The following MCTP2 variants were observed in gnomAD, a reference collection of about 807,000 sequenced individuals.
MCTP2 encodes the protein multiple C2 and transmembrane domain-containing protein 2.
A neutral mutation model predicts 111.6 loss-of-function variants in MCTP2; 132 were observed. The observed-to-expected ratio is 1.18, with a 90% CI of 1.03 to 1.37. The LOEUF (loss-of-function observed/expected upper bound fraction) is 1.37. Ranked by LOEUF, MCTP2 falls within the 40% of genes most tolerant of loss-of-function variation. The pLI is 0.00. For synonymous variants in MCTP2, 395 were observed against 387.7 expected (o/e 1.02, Z -0.22); for missense variants, 1,183 against 1,067.9 (o/e 1.11, Z -1.50).
At position 94,356,223 on chromosome 15, in the gene MCTP2, A is replaced by C; in HGVS notation, c.1092A>C (p.Glu364Asp). ...WNGIISITLL[E>D]GKNVSGGSMT... ...GGATTATAAGTATAACTTTGTTGGA[A>C]GGGAAGAATGTCTCAGGAGGAAGCA... is the stretch of plus-strand genomic sequence containing the variant. Residue 364 changes from glutamate to aspartate, a missense_variant, in exon 9 of 23, where the codon GAA becomes GAC. Physicochemically the swap from Glu to Asp is conservative, Grantham distance 45. Transcript: ENST00000357742. The C allele has an allele frequency of 3.1e-6, 5 of 1,613,696 alleles. No homozygotes were observed. The highest frequency in any genetic ancestry group is 4.2e-6 in the Non-Finnish European group (5 of 1,179,752).
intron 19 of MCTP2, among the ~76,000 whole-genome samples, chr15:94,449,042 A>T (rs293580): frequency 0.072 from 10,915 of 152,260 alleles, 523 homozygotes; most frequent in East Asian, 0.15. Context: ...CCATCTCAAA[A>T]TAAATAAATA....
chr15:94,303,101 T>TTA (rs376412572), intron 2 of MCTP2, among the ~76,000 whole-genome samples: 40 of 22,326 alleles, frequency 1.8e-3, no homozygotes, highest in African/African-American at 4.4e-3. Flanking sequence ...TTTATATAGT[T>TTA]TATATATATA....
At chr15:94,468,260 TCTG>T (rs1219759536) in intron 20 of MCTP2, among the ~76,000 whole-genome samples, 6 of 150,844 alleles carry the variant, frequency 4.0e-5, no homozygotes, top group African/African-American at 1.4e-4. Context: ...AGCTAACTAT[TCTG>T]CAAGTTTTTA....
At position 94,339,204 on chromosome 15, in the gene MCTP2, A is replaced by T. The variant is rs953402794; in HGVS notation, c.638-86A>T. 4 of 935,210 alleles carry T rather than the reference A, an allele frequency of 4.3e-6. No homozygotes were observed. In the African/African-American group the frequency reaches 6.7e-5, roughly 16 times the overall value. The allele number at this position is 935,210 out of a possible 1,614,324, so 57.9% of individuals were successfully genotyped here. On this transcript the variant is annotated intron_variant, in intron 4 of 22. Coordinates refer to ENST00000357742, the MANE Select transcript of MCTP2 (RefSeq NM_001385001.1). ...TGTGCAGGGAGACATTAGCCTGGGG[A>T]GTGGGGAAAGGATCTTTATTTAATG... is the stretch of plus-strand genomic sequence containing the variant.
chr15:94,439,285 C>T (rs1244910922), intron 17 of MCTP2, among the ~76,000 whole-genome samples: 1 of 150,612 alleles, frequency 6.6e-6, no homozygotes, highest in Non-Finnish European at 1.5e-5. Flanking sequence ...ATTTAAGATG[C>T]AGTAATTTGC....
intron 14 of MCTP2, among the ~76,000 whole-genome samples, chr15:94,390,078 A>AAG: frequency 2.1e-5 from 1 of 47,294 alleles, no homozygotes; most frequent in Non-Finnish European, 5.4e-5. Flanking sequence ...ATATATATAT[A>AAG]TATATATATA....
intron 17 of MCTP2, among the ~76,000 whole-genome samples, chr15:94,427,627 G>T (rs541500314): frequency 1.3e-5 from 2 of 152,264 alleles, no homozygotes; most frequent in East Asian, 3.9e-4. Flanking sequence ...CCCCCGACAC[G>T]TGGGGATTAC....
rs2081471837 is a variant in MCTP2 at position 94,399,858 on chromosome 15, G to C, written c.1891-63G>C. On this transcript the variant is annotated intron_variant, in intron 15 of 22. Coordinates refer to ENST00000357742, the MANE Select transcript of MCTP2 (RefSeq NM_001385001.1). ...TCTGCACGATTTTCCCAGTCATTAA[G>C]AAAACTAGGTGGATGAAGTCCCTAT... The C allele has an allele frequency of 6.2e-6, 9 of 1,448,376 alleles. No homozygotes were observed. In the Middle Eastern group the frequency reaches 5.2e-4, roughly 84 times the overall value. 89.7% of individuals were successfully genotyped at this position (1,448,376 alleles called of 1,614,324 possible). A position where few individuals can be genotyped will look rare whatever the true frequency, so the allele number is the denominator to read the frequency against.
chr15:94,307,981 A>G (rs2075964200), intron 2 of MCTP2, among the ~76,000 whole-genome samples: 1 of 152,094 alleles, frequency 6.6e-6, no homozygotes. Context: ...AATAATAATA[A>G]ATAGAATAGC....
intron 17 of MCTP2, among the ~76,000 whole-genome samples, chr15:94,408,856 T>C (rs935521388): frequency 3.7e-4 from 57 of 152,214 alleles, no homozygotes; most frequent in African/African-American, 1.3e-3. Flanking sequence ...TCACATAGCC[T>C]GGTAGATGTA....
intron 8 of MCTP2, among the ~76,000 whole-genome samples, chr15:94,353,891 A>C (rs1415184899): frequency 2.0e-5 from 3 of 152,152 alleles, no homozygotes; most frequent in African/African-American, 7.2e-5. Flanking sequence ...ATATGTGCAT[A>C]TATGCAGATA....
chr15:94,474,073 A>G (rs1459941895), intron 21 of MCTP2, among the ~76,000 whole-genome samples: 1 of 152,004 alleles, frequency 6.6e-6, no homozygotes, highest in East Asian at 1.9e-4. Flanking sequence ...ATTCTTCAGT[A>G]TTTTATCCCA....
chr15:94,416,008 A>G (rs1358914934), intron 17 of MCTP2, among the ~76,000 whole-genome samples: 2 of 152,106 alleles, frequency 1.3e-5, no homozygotes, highest in Non-Finnish European at 2.9e-5. Context: ...GAACTCCTTA[A>G]ATTCATAGTC....
chr15:94,322,701 G>T (rs1054758290), intron 4 of MCTP2, among the ~76,000 whole-genome samples: 3 of 152,218 alleles, frequency 2.0e-5, no homozygotes, highest in Non-Finnish European at 4.4e-5. Context: ...GTCATCAAGA[G>T]TTGAGGCTAA....
In MCTP2 at chr15:94,482,618, G is replaced by T. The variant is rs561984732; in HGVS notation, c.*3584G>T. ...TGTCAGCAAGGTAATGGAATATATA[G>T]TTCTCAGAGAAGTAACACACTGTAC... On this transcript the variant is annotated 3_prime_UTR_variant, in exon 23 of 23. Coordinates refer to ENST00000357742, the MANE Select transcript of MCTP2 (RefSeq NM_001385001.1). 2.1e-4 allele frequency: 32 copies of T among 152,294 alleles called. No homozygotes were observed. Among genetic ancestry groups the T allele is most frequent in the African/African-American group, 7.2e-4 (30 of 41,556 alleles). 9.4% of individuals were successfully genotyped at this position (152,294 alleles called of 1,614,324 possible).
intron 1 of MCTP2, among the ~76,000 whole-genome samples, chr15:94,257,509 T>C (rs987488144): frequency 6.6e-6 from 1 of 150,942 alleles, no homozygotes; most frequent in East Asian, 1.9e-4. Context: ...CAAAGAAAAA[T>C]TGTTTGGGCT....
chr15:94,270,231 C>T lies in MCTP2; in HGVS notation c.-65-27970C>T, dbSNP rs76905798. On this transcript the variant is annotated intron_variant, in intron 1 of 22. Transcript: ENST00000357742. The stretch of plus-strand genomic sequence containing the variant: ...TTTCCACCCCAAGTGCCAGAAGTAC[C>T]CCCTGTTGAGCAACACTGAGATAGA... 4.6e-3 allele frequency among the ~76,000 whole-genome samples: 697 copies of T among 152,182 alleles called. 4 individuals are homozygous for T. The highest frequency in any genetic ancestry group is 0.016 in the African/African-American group (653 of 41,502).
chr15:94,420,247 C>G (rs2082562255), intron 17 of MCTP2, among the ~76,000 whole-genome samples: 1 of 152,120 alleles, frequency 6.6e-6, no homozygotes, highest in African/African-American at 2.4e-5. Context: ...GCTCATCGAA[C>G]ATGTACCTAG....
At chr15:94,421,768 A>G (rs1433401417) in intron 17 of MCTP2, among the ~76,000 whole-genome samples, 1 of 152,156 alleles carries the variant, frequency 6.6e-6, no homozygotes, top group Non-Finnish European at 1.5e-5. Context: ...TACCTATTTT[A>G]AGGTCAGATG....
Sources: allele counts gnomAD v4.1 joint callset (sites outside exome capture counted in the v4.1 genomes callset), GRCh38; gene constraint gnomAD v4.1.1; transcripts MANE v1.5; gene names NCBI Gene and HGNC (gene_info 2026-07-23, HGNC 2026-07-21).